The following CAV2 variants were observed in gnomAD, a reference collection of about 807,000 sequenced individuals.
CAV2 encodes the protein caveolin-2.
Under a neutral mutation model 15.5 loss-of-function variants are expected in CAV2, and 7 were observed. That is an observed-to-expected ratio of 0.45 (90% CI 0.26 to 0.85). CAV2 has a LOEUF of 0.85. Among genes scored for constraint, CAV2 ranks in the 40% least tolerant of loss-of-function variants. CAV2 has a pLI of 0.18. For missense variants in CAV2, 229 were observed against 208.8 expected, an observed-to-expected ratio of 1.10 and a Z score of -0.60; for synonymous variants, 76 against 83.1, an observed-to-expected ratio of 0.91 and a Z score of 0.46.
intron 2 of CAV2, among the ~76,000 whole-genome samples, chr7:116,503,248 G>A (rs1467246294): frequency 6.6e-6 from 1 of 151,520 alleles, no homozygotes; most frequent in Non-Finnish European, 1.5e-5. Flanking sequence ...AATCAGAACT[G>A]CCTGGAGTTT....
chr7:116,499,760 G>T lies in CAV2; in HGVS notation c.-22G>T, dbSNP rs777372087. 16 of 1,512,900 alleles carry T rather than the reference G, an allele frequency of 1.1e-5. No individual in the cohort carries two copies. The African/African-American group carries it at 1.7e-4, about 16-fold the overall frequency. 93.7% of individuals were successfully genotyped at this position (1,512,900 alleles called of 1,614,324 possible). A position where few individuals can be genotyped will look rare whatever the true frequency, so the allele number is the denominator to read the frequency against. ...GCCGCACCGCGCCAGCCGGGCTGCAGCGGCCGCGCACCAAGGCTGCGATGG... is the reference window on the plus strand; with the variant it reads ...GCCGCACCGCGCCAGCCGGGCTGCATCGGCCGCGCACCAAGGCTGCGATGG... On this transcript the variant is annotated 5_prime_UTR_variant, in exon 1 of 3. Transcript: ENST00000222693.
At chr7:116,505,195 G>A (rs551195125) in intron 2 of CAV2, among the ~76,000 whole-genome samples, 2 of 152,346 alleles carry the variant, frequency 1.3e-5, no homozygotes, top group Non-Finnish European at 2.9e-5. Context: ...GACTGAGGCA[G>A]CAGGAAAGGC....
At chr7:116,500,545 G>C in intron 2 of CAV2, 98 bp downstream of exon 2, 1 of 1,193,446 alleles carries the variant, frequency 8.4e-7, no homozygotes, top group Non-Finnish European at 1.2e-6. Context: ...CCGGCGTCAG[G>C]AGGAGGAACG....
At chr7:116,505,575 G>A (rs1793214116) in intron 2 of CAV2, among the ~76,000 whole-genome samples, 1 of 152,164 alleles carries the variant, frequency 6.6e-6, no homozygotes, top group African/African-American at 2.4e-5. Flanking sequence ...AGGAGAAGGA[G>A]GAGCAGGCAC....
chr7:116,503,703 C>T (rs1016470144), intron 2 of CAV2, among the ~76,000 whole-genome samples: 1 of 151,934 alleles, frequency 6.6e-6, no homozygotes, highest in Non-Finnish European at 1.5e-5. Context: ...GTAGCAAGTG[C>T]CCATGATCCC....
chr7:116,506,125 C>T lies in CAV2; in HGVS notation c.*4C>T. ...CCTGCAACTGAGCCAGGATTGAATA[C>T]TTGGACCCCAGGTCTGGAGATTGGG... On this transcript the variant is annotated 3_prime_UTR_variant, in exon 3 of 3. Coordinates refer to ENST00000222693, the MANE Select transcript of CAV2 (RefSeq NM_001233.5). 6.2e-7 allele frequency: 1 copy of T among 1,613,982 alleles called. No individual in the cohort carries two copies. The highest frequency in any genetic ancestry group is 8.5e-7 in the Non-Finnish European group (1 of 1,179,870).
chr7:116,501,988 C>G (rs1017220561), intron 2 of CAV2, among the ~76,000 whole-genome samples: 12 of 152,038 alleles, frequency 7.9e-5, no homozygotes, highest in African/African-American at 2.7e-4. Context: ...TTGGGATTCC[C>G]AATTAACTAA....
chr7:116,504,506 T>C (rs1793186382), intron 2 of CAV2, among the ~76,000 whole-genome samples: 1 of 152,266 alleles, frequency 6.6e-6, no homozygotes, highest in Non-Finnish European at 1.5e-5. Context: ...TGAATAATTC[T>C]ATATTCTAAA....
In CAV2 at chr7:116,507,423, A is replaced by G. The variant is rs1047587421; in HGVS notation, c.*1302A>G. 1 of 152,288 alleles carries G rather than the reference A, an allele frequency of 6.6e-6. No homozygotes were observed. The highest frequency in any genetic ancestry group is 2.4e-5 in the African/African-American group (1 of 41,458). 9.4% of individuals were successfully genotyped at this position (152,288 alleles called of 1,614,324 possible). A position where few individuals can be genotyped will look rare whatever the true frequency, so the allele number is the denominator to read the frequency against. ...CATGGTGGCTCACCCCTGTAATCCC[A>G]GCACTTTGGGAGGCCAAGGCGGGTG... On this transcript the variant is annotated 3_prime_UTR_variant, in exon 3 of 3. Transcript: ENST00000222693.
chr7:116,504,118 C>T (rs1026453430), intron 2 of CAV2, among the ~76,000 whole-genome samples: 2 of 152,104 alleles, frequency 1.3e-5, no homozygotes, highest in African/African-American at 2.4e-5. Flanking sequence ...CTGATCTAAA[C>T]TTCAGCCTTT....
At chr7:116,500,525 T>A in intron 2 of CAV2, 78 bp downstream of exon 2, 1 of 1,408,144 alleles carries the variant, frequency 7.1e-7, no homozygotes, top group Non-Finnish European at 9.8e-7. Flanking sequence ...TACTCTCCTC[T>A]TATCCCAGGC....
In CAV2 at chr7:116,506,875, C is replaced by T. The variant is rs1282525902; in HGVS notation, c.*754C>T. 1.3e-5 allele frequency: 2 copies of T among 152,150 alleles called. No individual in the cohort carries two copies. Among genetic ancestry groups the T allele is most frequent in the African/African-American group, 4.8e-5 (2 of 41,436 alleles). The allele number at this position is 152,150 out of a possible 1,614,324, so 9.4% of individuals were successfully genotyped here. ...GGTAAACTTCATTGGTAAGATTGCA[C>T]TGTTCTGATTATGTAAGCATTTGTA... On this transcript the variant is annotated 3_prime_UTR_variant, in exon 3 of 3. Transcript: ENST00000222693.
chr7:116,501,857 T>A (rs1359599927), intron 2 of CAV2, among the ~76,000 whole-genome samples: 2 of 152,328 alleles, frequency 1.3e-5, no homozygotes, highest in East Asian at 3.9e-4. Flanking sequence ...GTGCCAAGAT[T>A]GCCAGGGAAA....
intron 1 of CAV2, 110 bp downstream of exon 1, chr7:116,500,041 G>T: frequency 6.7e-7 from 1 of 1,495,790 alleles, no homozygotes; most frequent in East Asian, 2.4e-5. Flanking sequence ...GGCCCCGCAG[G>T]GTCTGAGACC....
At chr7:116,502,248 C>G (rs1387628940) in intron 2 of CAV2, among the ~76,000 whole-genome samples, 1 of 152,214 alleles carries the variant, frequency 6.6e-6, no homozygotes, top group African/African-American at 2.4e-5. Context: ...CTCTCTCCAG[C>G]TGGCTCTTCT....
At chr7:116,503,765 G>A (rs778011403) in intron 2 of CAV2, among the ~76,000 whole-genome samples, 62 of 151,722 alleles carry the variant, frequency 4.1e-4, no homozygotes, top group Non-Finnish European at 6.3e-4. Flanking sequence ...GGGAGGCGAA[G>A]GTTGCAGTGA....
rs773683474 is a variant in CAV2, at chr7:116,506,111, G to A, written c.479G>A (p.Ser160Asn). 1.2e-6 allele frequency: 2 copies of A among 1,614,062 alleles called. No homozygotes were observed. The highest frequency in any genetic ancestry group is 1.7e-6 in the Non-Finnish European group (2 of 1,179,992). The change falls in exon 3 of 3, where the codon AGC (serine) becomes AAC (asparagine). Residue 160 changes from serine (S) to asparagine (N), a missense_variant. By Grantham distance (46) the Ser-to-Asn change is conservative. Coordinates refer to ENST00000222693, the MANE Select transcript of CAV2 (RefSeq NM_001233.5). ...RCFSSVSLQLSQD is the reference protein window; with the variant it reads ...RCFSSVSLQLNQD ...TTCTCTTCTGTCAGCCTGCAACTGA[G>A]CCAGGATTGAATACTTGGACCCCAG...
At chr7:116,502,843 A>G (rs1368275708) in intron 2 of CAV2, among the ~76,000 whole-genome samples, 2 of 152,212 alleles carry the variant, frequency 1.3e-5, no homozygotes, top group African/African-American at 2.4e-5. Context: ...GTTGGATTCC[A>G]TACTACAGTC....
At position 116,499,906 on chromosome 7, in the gene CAV2, C is replaced by A; in HGVS notation, c.125C>A (p.Pro42His). ...GCGGACTCGGACCAGGACCGGGATC[C>A]CCACCGGCTCAACTCGCATCTCAAG... is the stretch of plus-strand genomic sequence containing the variant. ...KFADSDQDRDPHRLNSHLKLG... is the reference protein window; with the variant it reads ...KFADSDQDRDHHRLNSHLKLG... The change falls in exon 1 of 3, where the codon CCC becomes CAC. Residue 42 changes from proline to histidine, a missense_variant. Pro to His is a moderately conservative substitution (Grantham distance 77). Transcript: ENST00000222693. 1 of 1,612,082 alleles carries A rather than the reference C, an allele frequency of 6.2e-7. No homozygotes were observed.
Sources: gnomAD v4.1 joint callset for allele counts (sites outside exome capture counted in the v4.1 genomes callset) on GRCh38, gnomAD v4.1.1 for gene constraint, MANE v1.5 for transcripts, NCBI Gene and HGNC (gene_info 2026-07-23, HGNC 2026-07-21) for gene names.